Variants in DCAF6 observed in about 807,000 individuals in gnomAD.
DCAF6 encodes the protein DDB1 and CUL4 associated factor 6.
A neutral mutation model predicts 125.1 loss-of-function variants in DCAF6; 54 were observed. The observed-to-expected ratio is 0.43, with a 90% CI of 0.35 to 0.54. The LOEUF (loss-of-function observed/expected upper bound fraction) is 0.54, where lower values mean the gene tolerates loss of function less well. DCAF6 is among the 20% of genes least tolerant of loss of function. DCAF6 has a pLI of 0.01. For synonymous variants in DCAF6, 371 were observed against 390.4 expected (o/e 0.95, Z 0.58); for missense variants, 934 against 1,161.7 (o/e 0.80, Z 2.85).
chr1:168,067,321 G>A (rs984868023), intron 20 of DCAF6, among the ~76,000 whole-genome samples: 2 of 152,172 alleles, frequency 1.3e-5, no homozygotes, highest in Non-Finnish European at 2.9e-5. Context: ...AGTTTAGTGG[G>A]AAAGACAATG....
chr1:167,892,892 C>G, the DCAF6 span, among the ~76,000 whole-genome samples: 1 of 152,164 alleles, frequency 6.6e-6, no homozygotes, highest in Non-Finnish European at 1.5e-5. Context: ...CTAGCTATAT[C>G]TTTTACTTGA....
chr1:167,924,368 G>T, the DCAF6 span: 1 of 666,404 alleles, frequency 1.5e-6, no homozygotes, highest in Non-Finnish European at 2.4e-6. Context: ...GAGAATATTT[G>T]CCATGAAATC....
At chr1:167,951,150 T>C (rs528435820) in intron 1 of DCAF6, among the ~76,000 whole-genome samples, 1 of 152,338 alleles carries the variant, frequency 6.6e-6, no homozygotes, top group African/African-American at 2.4e-5. Flanking sequence ...TTTTGTTTTA[T>C]TTTACCACCG....
At chr1:167,973,117 T>A (rs1008194867) in intron 3 of DCAF6, among the ~76,000 whole-genome samples, 1 of 152,216 alleles carries the variant, frequency 6.6e-6, no homozygotes, top group Non-Finnish European at 1.5e-5. Context: ...TCTGACAGCG[T>A]TAAAGAACAT....
Position 168,045,079 on chromosome 1 carries a change from C to G in DCAF6, c.2110C>G (p.Pro704Ala). The change falls in exon 16 of 22, where the codon CCT (proline) becomes GCT (alanine). Residue 704 changes from proline (P) to alanine (A), a missense_variant. Pro to Ala is a conservative substitution (Grantham distance 27). Around this residue, in one of 5 missense-constraint regions of DCAF6, gnomAD observed 559 missense variants for 635.5 expected, o/e 0.88. Coordinates refer to ENST00000367840, the MANE Select transcript of DCAF6 (RefSeq NM_001198956.2). ...ESATNENNTN[P>A]EPQFQTEATG... ...TGCTACCAATGAAAATAACACCAAT[C>G]CTGAGCCTCAGTTCCAAACAGAAGC... is the stretch of plus-strand genomic sequence containing the variant. 1 of 1,613,986 alleles carries G rather than the reference C, an allele frequency of 6.2e-7. No homozygotes were observed. Among genetic ancestry groups the G allele is most frequent in the Non-Finnish European group, 8.5e-7 (1 of 1,179,928 alleles).
intron 4 of DCAF6, 68 bp from the exon 5 acceptor site, chr1:167,987,427 G>A (rs1428380952): frequency 2.6e-6 from 2 of 779,558 alleles, no homozygotes; most frequent in African/African-American, 1.7e-5. Flanking sequence ...TGAAATAGTA[G>A]GAATGTTTTT....
Position 168,038,436 on chromosome 1 carries a change from A to T in DCAF6, c.1675A>T (p.Ser559Cys). Residue 559 changes from serine (S) to cysteine (C), a missense_variant, in exon 13 of 22, where the codon AGC becomes TGC. Ser to Cys is a moderately radical substitution (Grantham distance 112). Transcript: ENST00000367840. The part of the protein sequence containing the change: ...TGEPVLSLHY[S>C]TEGTTTSTIK... ...TGAACCAGTTTTAAGTTTGCACTAC[A>T]GCACAGAAGGAACAACTACAAGCAC... 1.2e-6 allele frequency: 2 copies of T among 1,611,844 alleles called. No homozygotes were observed. The highest frequency in any genetic ancestry group is 1.7e-6 in the Non-Finnish European group (2 of 1,179,066).
chr1:167,985,380 T>G (rs1195019319), intron 4 of DCAF6, among the ~76,000 whole-genome samples: 1 of 152,212 alleles, frequency 6.6e-6, no homozygotes, highest in Non-Finnish European at 1.5e-5. Context: ...TTCCAGCTTC[T>G]AGAGGCTACT....
intron 16 of DCAF6, among the ~76,000 whole-genome samples, chr1:168,048,174 G>C (rs1314093849): frequency 1.3e-5 from 2 of 152,054 alleles, no homozygotes; most frequent in African/African-American, 4.8e-5. Flanking sequence ...ATACCATTTG[G>C]TTCCTAGAGT....
intron 12 of DCAF6, among the ~76,000 whole-genome samples, chr1:168,027,869 T>A (rs1686548400): frequency 6.6e-6 from 1 of 152,134 alleles, no homozygotes; most frequent in Admixed American, 6.5e-5. Context: ...AGCCTGAATC[T>A]TCATTCATTA....
At chr1:167,913,024 A>G in the DCAF6 span, among the ~76,000 whole-genome samples, 1 of 152,340 alleles carries the variant, frequency 6.6e-6, no homozygotes, top group East Asian at 1.9e-4. Flanking sequence ...TATATGACCT[A>G]GACAAAAGAT....
At chr1:168,066,975 T>C (rs1692422800) in intron 20 of DCAF6, among the ~76,000 whole-genome samples, 1 of 152,176 alleles carries the variant, frequency 6.6e-6, no homozygotes, top group South Asian at 2.1e-4. Context: ...TTTAAGCCTG[T>C]TAAAACAGTA....
At chr1:168,054,321 A>G (rs1308901278) in intron 17 of DCAF6, among the ~76,000 whole-genome samples, 2 of 152,196 alleles carry the variant, frequency 1.3e-5, no homozygotes, top group Non-Finnish European at 2.9e-5. Flanking sequence ...TGGCACAGGA[A>G]ATCACATGAT....
intron 10 of DCAF6, among the ~76,000 whole-genome samples, chr1:168,012,518 A>G (rs758405227): frequency 2.6e-5 from 4 of 152,214 alleles, no homozygotes; most frequent in Non-Finnish European, 4.4e-5. Context: ...ACAAAAGCTA[A>G]TTCTCCAAGC....
upstream of DCAF6, among the ~76,000 whole-genome samples, chr1:167,934,523 T>C (rs543815970): frequency 6.6e-6 from 1 of 152,316 alleles, no homozygotes; most frequent in South Asian, 2.1e-4. Context: ...AATGATCAGT[T>C]TTATAATGGG....
chr1:167,907,116 A>G, the DCAF6 span, among the ~76,000 whole-genome samples: 1 of 152,236 alleles, frequency 6.6e-6, no homozygotes, highest in Non-Finnish European at 1.5e-5. Context: ...ACATATATCT[A>G]CAGATACTGA....
At chr1:167,901,908 A>G in the DCAF6 span, 3 of 1,607,642 alleles carry the variant, frequency 1.9e-6, no homozygotes, top group Non-Finnish European at 2.6e-6. Flanking sequence ...TCCTCAGCCT[A>G]TCTCCTGGCC....
the DCAF6 span, among the ~76,000 whole-genome samples, chr1:167,880,990 C>A: frequency 6.6e-6 from 1 of 152,164 alleles, no homozygotes. Flanking sequence ...GTCCTCAAGC[C>A]ACTTCTCAAG....
intron 1 of DCAF6, among the ~76,000 whole-genome samples, chr1:167,939,138 T>C (rs1362365706): frequency 6.6e-6 from 1 of 152,204 alleles, no homozygotes; most frequent in Non-Finnish European, 1.5e-5. Context: ...TTACCCTTAG[T>C]AGACCTTTAC....
Sources: allele counts gnomAD v4.1 joint callset (sites outside exome capture counted in the v4.1 genomes callset), GRCh38; gene constraint gnomAD v4.1.1; regional missense constraint gnomAD v4.1.1; transcripts MANE v1.5; gene names NCBI Gene and HGNC (gene_info 2026-07-23, HGNC 2026-07-21).